The following PLXNA4 variants were observed in gnomAD, a reference collection of about 807,000 sequenced individuals.
PLXNA4 encodes plexin-A4.
Under a neutral mutation model 191.8 loss-of-function variants are expected in PLXNA4, and 44 were observed. The observed-to-expected ratio is 0.23, with a 90% CI of 0.18 to 0.29. The LOEUF (loss-of-function observed/expected upper bound fraction) is 0.29, where lower values mean the gene tolerates loss of function less well. Ranked by LOEUF, PLXNA4 falls within the 10% of genes least tolerant of loss-of-function variation. PLXNA4 has a pLI of 1.00. For missense variants in PLXNA4, 1,800 were observed against 2,488.8 expected (o/e 0.72, Z 5.89); for synonymous variants, 1,082 against 1,009.5 (o/e 1.07, Z -1.36).
chr7:132,198,676 T>C (rs201107278), intron 12 of PLXNA4, 40 bp from the exon 13 acceptor site: 4 of 1,607,552 alleles, frequency 2.5e-6, no homozygotes, highest in East Asian at 2.2e-5. Flanking sequence ...AACACCAAGA[T>C]ACTGCCACTC....
chr7:132,260,383 A>T (rs755375577), intron 4 of PLXNA4, among the ~76,000 whole-genome samples: 7 of 152,214 alleles, frequency 4.6e-5, no homozygotes. Context: ...GGAGGCCGTT[A>T]TCCTAAGCAA....
At chr7:132,132,481 TG>T (rs879474984) in intron 31 of PLXNA4, among the ~76,000 whole-genome samples, 4,231 of 67,010 alleles carry the variant, frequency 0.063, 523 homozygotes, top group Non-Finnish European at 0.08. Context: ...TGCTCTGCTC[TG>T]CTCTGCTCTA....
At chr7:132,602,728 G>A (rs1802843010) in intron 2 of PLXNA4, among the ~76,000 whole-genome samples, 1 of 152,174 alleles carries the variant, frequency 6.6e-6, no homozygotes, top group Non-Finnish European at 1.5e-5. Flanking sequence ...GAGAGTACAA[G>A]AGGGATCAGA....
At chr7:132,156,189 C>T (rs1177374946) in intron 25 of PLXNA4, among the ~76,000 whole-genome samples, 1 of 151,234 alleles carries the variant, frequency 6.6e-6, no homozygotes, top group African/African-American at 2.4e-5. Flanking sequence ...CACAGACGCA[C>T]ACACGCACAC....
At chr7:132,436,626 C>A (rs752107822) in intron 3 of PLXNA4, among the ~76,000 whole-genome samples, 1 of 152,206 alleles carries the variant, frequency 6.6e-6, no homozygotes, top group Non-Finnish European at 1.5e-5. Context: ...CCTATGCATA[C>A]CCCTCCTCCA....
At chr7:132,132,415 C>CTGTTCTGTTCTGT (rs1357996109) in intron 31 of PLXNA4, among the ~76,000 whole-genome samples, 11 of 46,712 alleles carry the variant, frequency 2.4e-4, no homozygotes, top group African/African-American at 9.3e-4. Context: ...CTGTTCTGTT[C>CTGTTCTGTTCTGT]TGTTCTGTTC....
intron 11 of PLXNA4, among the ~76,000 whole-genome samples, 182 bp downstream of exon 11, chr7:132,203,141 T>C (rs1238079969): frequency 1.3e-5 from 2 of 152,142 alleles, no homozygotes; most frequent in Non-Finnish European, 2.9e-5. Flanking sequence ...ACAGAGCCCA[T>C]GCTCAAGAAG....
intron 3 of PLXNA4, among the ~76,000 whole-genome samples, chr7:132,469,967 C>T (rs1796871700): frequency 6.6e-6 from 1 of 152,178 alleles, no homozygotes; most frequent in African/African-American, 2.4e-5. Flanking sequence ...TCACAACTGG[C>T]CCTGTATACT....
At chr7:132,623,788 CA>C (rs1803319954) in intron 2 of PLXNA4, among the ~76,000 whole-genome samples, 1 of 152,216 alleles carries the variant, frequency 6.6e-6, no homozygotes, top group Non-Finnish European at 1.5e-5. Flanking sequence ...AAGCAACCCC[CA>C]GGTTGTACAG....
At position 132,159,602 on chromosome 7, in the gene PLXNA4, T is replaced by C. The variant is rs1279232718; in HGVS notation, c.4531A>G (p.Asn1511Asp). ...ATCTTTACTGGGACCTCGGGGCTGT[T>C]GGCATTGTCTGGGCTGACACAGCTC... ...VLSCVSPDNA[N>D]SPEVPVKILN... The change falls in exon 25 of 32, where the codon AAC becomes GAC. Residue 1511 changes from asparagine (N) to aspartate (D), a missense_variant. Transcript: ENST00000321063. 1.9e-6 allele frequency: 3 copies of C among 1,613,964 alleles called. No homozygotes were observed. Among genetic ancestry groups the C allele is most frequent in the Non-Finnish European group, 2.5e-6 (3 of 1,180,028 alleles).
At chr7:132,383,019 T>C (rs1804962260) in intron 3 of PLXNA4, among the ~76,000 whole-genome samples, 1 of 152,192 alleles carries the variant, frequency 6.6e-6, no homozygotes, top group African/African-American at 2.4e-5. Flanking sequence ...ACTTCTTCTG[T>C]ATCATCTTTA....
intron 5 of PLXNA4, among the ~76,000 whole-genome samples, chr7:132,231,296 C>T (rs1158130870): frequency 6.6e-6 from 1 of 152,160 alleles, no homozygotes; most frequent in Non-Finnish European, 1.5e-5. Context: ...TCATAGTAAG[C>T]CCTCATAAAT....
chr7:132,482,744 G>A (rs1797388809), intron 3 of PLXNA4, among the ~76,000 whole-genome samples: 1 of 149,898 alleles, frequency 6.7e-6, no homozygotes, highest in Admixed American at 6.7e-5. Flanking sequence ...CCAGGCTGGA[G>A]TGCAATGGTG....
chr7:132,289,831 C>A (rs1209264520), intron 4 of PLXNA4, among the ~76,000 whole-genome samples: 1 of 147,142 alleles, frequency 6.8e-6, no homozygotes, highest in Non-Finnish European at 1.5e-5. Flanking sequence ...CAGTGCCCAG[C>A]TAATTAATTT....
chr7:132,499,084 C>A (rs930306148), intron 2 of PLXNA4, among the ~76,000 whole-genome samples: 1 of 152,246 alleles, frequency 6.6e-6, no homozygotes, highest in Non-Finnish European at 1.5e-5. Context: ...TTAAGCCAAG[C>A]ACACATTCTG....
chr7:132,179,142 C>T (rs568037714), intron 20 of PLXNA4, among the ~76,000 whole-genome samples: 2 of 133,406 alleles, frequency 1.5e-5, no homozygotes, highest in African/African-American at 2.9e-5. Flanking sequence ...CACACACGTG[C>T]GTGCTCACAC....
chr7:132,357,860 ACT>A (rs1417603715), intron 3 of PLXNA4, among the ~76,000 whole-genome samples: 1 of 152,188 alleles, frequency 6.6e-6, no homozygotes, highest in Non-Finnish European at 1.5e-5. Context: ...TCCACAGGCA[ACT>A]CTAGTAAATA....
At chr7:132,415,605 T>G (rs962836870) in intron 3 of PLXNA4, among the ~76,000 whole-genome samples, 1 of 152,178 alleles carries the variant, frequency 6.6e-6, no homozygotes, top group African/African-American at 2.4e-5. Context: ...TAATAGGAGA[T>G]AGATGGTGGA....
upstream of PLXNA4, among the ~76,000 whole-genome samples, chr7:132,580,320 G>A (rs1052326422): frequency 2.0e-5 from 3 of 152,058 alleles, no homozygotes; most frequent in Non-Finnish European, 4.4e-5. Flanking sequence ...TTCTGCATTA[G>A]GTACAAGATC....
Sources: gnomAD v4.1 joint callset for allele counts (sites outside exome capture counted in the v4.1 genomes callset) on GRCh38, gnomAD v4.1.1 for gene constraint, MANE v1.5 for transcripts, NCBI Gene and HGNC (gene_info 2026-07-23, HGNC 2026-07-21) for gene names.